ZNF512: variants seen among roughly 807,000 people sequenced by gnomAD.
ZNF512 encodes zinc finger protein 512.
Under a neutral mutation model 77.5 loss-of-function variants are expected in ZNF512, and 25 were observed. The ratio of observed to expected loss-of-function variants is 0.32; its 90% CI spans 0.23 to 0.45. The LOEUF (loss-of-function observed/expected upper bound fraction) is 0.45, where lower values mean the gene tolerates loss of function less well. Ranked by LOEUF, ZNF512 falls within the 20% of genes least tolerant of loss-of-function variation. The pLI is 1.00. For missense variants in ZNF512, 483 were observed against 692.6 expected (o/e 0.70, Z 3.40); for synonymous variants, 246 against 239.9 (o/e 1.03, Z -0.24).
chr2:27,620,356 T>A (rs1298932541), intron 13 of ZNF512, among the ~76,000 whole-genome samples: 1 of 152,238 alleles, frequency 6.6e-6, no homozygotes, highest in Non-Finnish European at 1.5e-5. Flanking sequence ...AGCTTCCTCT[T>A]CTTTTTTACA....
chr2:27,617,128 G>A, intron 12 of ZNF512: 2 of 199,750 alleles, frequency 1.0e-5, no homozygotes, highest in South Asian at 2.1e-4. Flanking sequence ...GTGAATTTTG[G>A]GCATTTGATC....
At chr2:27,617,334 A>G (rs1404772656) in intron 12 of ZNF512, 139 bp from the exon 13 acceptor site, 8 of 610,608 alleles carry the variant, frequency 1.3e-5, no homozygotes, top group Admixed American at 2.8e-5. Flanking sequence ...TCCTAAATCT[A>G]TTACTATATT....
intron 9 of ZNF512, among the ~76,000 whole-genome samples, chr2:27,605,928 C>T (rs928181136): frequency 2.6e-5 from 4 of 152,324 alleles, no homozygotes; most frequent in East Asian, 1.9e-4. Flanking sequence ...ATTCCCCCAG[C>T]GAAGTATGAG....
intron 9 of ZNF512, among the ~76,000 whole-genome samples, chr2:27,605,960 T>C (rs1672337205): frequency 6.6e-6 from 1 of 152,252 alleles, no homozygotes; most frequent in East Asian, 1.9e-4. Context: ...CTTTGCATCC[T>C]TGTCTACATT....
rs1422158046 is a variant in ZNF512 at position 27,598,148 on chromosome 2, T to G, written c.171T>G (p.Ser57=). The change falls in exon 3 of 14, where the codon TCT becomes TCG. Residue 57 remains serine, a synonymous_variant. Coordinates refer to ENST00000355467, the MANE Select transcript of ZNF512 (RefSeq NM_032434.4). The part of the protein sequence containing the change: ...PHDDSLSGSS[S]ASSCEPVSDF... ...ATGACTCCTTAAGTGGTTCATCGTC[T>G]GCATCTTCGTGTGAACCAGTGAGTG... 2 of 1,614,148 alleles carry G rather than the reference T, an allele frequency of 1.2e-6. No homozygotes were observed. The highest frequency in any genetic ancestry group is 3.3e-5 in the Admixed American group (2 of 60,028).
intron 1 of ZNF512, chr2:27,583,348 A>G (rs767650439): frequency 3.0e-5 from 39 of 1,300,400 alleles, no homozygotes; most frequent in Non-Finnish European, 3.8e-5. Context: ...TCCTCGCCAC[A>G]TTACCATTAG....
Position 27,598,173 on chromosome 2 carries a change from G to A in ZNF512, c.196G>A (p.Asp66Asn), listed in dbSNP as rs1671954983. The A allele has an allele frequency of 3.1e-6, 5 of 1,614,160 alleles. No individual in the cohort carries two copies. The highest frequency in any genetic ancestry group is 4.2e-6 in the Non-Finnish European group (5 of 1,180,010). The change falls in exon 3 of 14, where the codon GAT becomes AAT. Residue 66 changes from aspartate to asparagine, a missense_variant. By Grantham distance (23) the Asp-to-Asn change is conservative (BLOSUM62 1). This residue lies in a region of ZNF512 where 159 missense variants were observed against 167.5 expected (regional missense o/e 0.95). Transcript: ENST00000355467. ...TGCATCTTCGTGTGAACCAGTGAGT[G>A]ATTTTCCAGCATCTTTCCGAAAATC... is the stretch of plus-strand genomic sequence containing the variant. ...SSASSCEPVS[D>N]FPASFRKSTY...
At chr2:27,583,578 C>T (rs1439944619) in intron 1 of ZNF512, 80 bp from the exon 2 acceptor site, 16 of 1,571,190 alleles carry the variant, frequency 1.0e-5, no homozygotes, top group Non-Finnish European at 1.3e-5. Context: ...TTCATTTCTT[C>T]TGGGCATAGG....
At chr2:27,596,206 A>C (rs1671862514) in intron 2 of ZNF512, among the ~76,000 whole-genome samples, 1 of 152,206 alleles carries the variant, frequency 6.6e-6, no homozygotes, top group Non-Finnish European at 1.5e-5. Flanking sequence ...AGACTTCTGC[A>C]GGTGTTTCCA....
chr2:27,600,953 A>T, intron 6 of ZNF512, 138 bp downstream of exon 6: 1 of 1,197,544 alleles, frequency 8.4e-7, no homozygotes, highest in African/African-American at 1.6e-5. Flanking sequence ...TTTGGATCTG[A>T]CAGAGTTAGG....
intron 2 of ZNF512, among the ~76,000 whole-genome samples, chr2:27,594,010 A>G (rs920954321): frequency 1.3e-5 from 2 of 152,166 alleles, no homozygotes; most frequent in East Asian, 1.9e-4. Context: ...CAAAACCGCC[A>G]TCATCATCAT....
chr2:27,598,143 T>G lies in ZNF512; in HGVS notation c.166T>G (p.Ser56Ala). ...IPHDDSLSGS[S>A]SASSCEPVSD... ...TCATGATGACTCCTTAAGTGGTTCA[T>G]CGTCTGCATCTTCGTGTGAACCAGT... Residue 56 changes from serine (S) to alanine (A), a missense_variant, in exon 3 of 14, where the codon TCG (serine) becomes GCG (alanine). Physicochemically the swap from Ser to Ala is moderately conservative, Grantham distance 99. This residue lies in a region of ZNF512 where 159 missense variants were observed against 167.5 expected (regional missense o/e 0.95). Coordinates refer to ENST00000355467, the MANE Select transcript of ZNF512 (RefSeq NM_032434.4). 6.2e-7 allele frequency: 1 copy of G among 1,614,158 alleles called. No homozygotes were observed. The highest frequency in any genetic ancestry group is 8.5e-7 in the Non-Finnish European group (1 of 1,179,988).
intron 2 of ZNF512, among the ~76,000 whole-genome samples, chr2:27,595,387 C>T (rs113709737): frequency 0.018 from 2,660 of 150,964 alleles, 37 homozygotes; most frequent in Middle Eastern, 0.045. Context: ...TGCAGCGGCG[C>T]GATCTCTGCT....
chr2:27,602,091 CT>C (rs1482356854), intron 7 of ZNF512, among the ~76,000 whole-genome samples: 1 of 152,174 alleles, frequency 6.6e-6, no homozygotes, highest in Non-Finnish European at 1.5e-5. Flanking sequence ...GCCTGGATGT[CT>C]TTTACTTATG....
At chr2:27,605,162 A>G (rs1051822927) in intron 9 of ZNF512, among the ~76,000 whole-genome samples, 7 of 152,140 alleles carry the variant, frequency 4.6e-5, no homozygotes, top group Non-Finnish European at 7.3e-5. Context: ...AACATTCACA[A>G]AGGTTTTTGG....
chr2:27,617,376 A>C, intron 12 of ZNF512, 97 bp from the exon 13 acceptor site: 1 of 691,206 alleles, frequency 1.4e-6, no homozygotes, highest in Non-Finnish European at 2.7e-6. Context: ...TTGCTGAAGT[A>C]GAATTCCCTC....
intron 2 of ZNF512, among the ~76,000 whole-genome samples, chr2:27,587,789 C>T (rs974678144): frequency 6.6e-5 from 10 of 151,412 alleles, no homozygotes; most frequent in African/African-American, 2.4e-4. Context: ...TCAAGCTATT[C>T]TTCTGCTCAC....
chr2:27,599,745 A>G, intron 4 of ZNF512, 67 bp downstream of exon 4: 2 of 1,466,828 alleles, frequency 1.4e-6, no homozygotes, highest in East Asian at 2.3e-5. Flanking sequence ...AGGGTAAAGG[A>G]AAGAGAAGCC....
chr2:27,618,496 T>C (rs962061334), intron 13 of ZNF512, among the ~76,000 whole-genome samples: 2 of 152,240 alleles, frequency 1.3e-5, no homozygotes, highest in African/African-American at 4.8e-5. Context: ...GTTGTAGTCA[T>C]GCAGGAGAAT....
Sources: allele counts gnomAD v4.1 joint callset (sites outside exome capture counted in the v4.1 genomes callset), GRCh38; gene constraint gnomAD v4.1.1; regional missense constraint gnomAD v4.1.1; transcripts MANE v1.5; gene names NCBI Gene and HGNC (gene_info 2026-07-23, HGNC 2026-07-21).